The following SLC9A7 variants were observed in gnomAD, a reference collection of about 807,000 sequenced individuals.
The protein encoded by SLC9A7 is solute carrier family 9 member A7.
In SLC9A7, 19 loss-of-function variants were observed where a neutral mutation model predicts 52.6. That is an observed-to-expected ratio of 0.36 (90% CI 0.25 to 0.53). SLC9A7 has a LOEUF of 0.53. Among genes scored for constraint, SLC9A7 ranks in the 20% least tolerant of loss-of-function variants. SLC9A7 has a pLI of 0.91. For missense variants in SLC9A7, 455 were observed against 597.9 expected (o/e 0.76, Z 2.49); for synonymous variants, 226 against 252.1 (o/e 0.90, Z 0.98).
intron 1 of SLC9A7, among the ~76,000 whole-genome samples, chrX:46,737,947 A>G (rs1208936978): frequency 9.2e-6 from 1 of 108,733 alleles, no homozygotes; most frequent in East Asian, 2.9e-4. Flanking sequence ...GGATCACTTG[A>G]GCCCAGGAGG....
At chrX:46,697,039 T>C (rs2146905645) in intron 1 of SLC9A7, among the ~76,000 whole-genome samples, 2 of 111,742 alleles carry the variant, frequency 1.8e-5, no homozygotes, top group East Asian at 5.6e-4. Context: ...TCCTAACTGG[T>C]CGTGTCGATG....
At position 46,620,452 on chromosome X, in the gene SLC9A7, C is replaced by CA. The variant is rs199549828; in HGVS notation, c.1823+524dup. On this transcript the variant is annotated intron_variant, in intron 15 of 16. Transcript: ENST00000616978. ...AAAACAAACAAACAAACAAAACAAACAAAAAAAACCATGAGGGTTTAACAT... is the reference window on the plus strand; with the variant it reads ...AAAACAAACAAACAAACAAAACAAACAAAAAAAAACCATGAGGGTTTAACAT... 7.7e-4 allele frequency among the ~76,000 whole-genome samples: 85 copies of CA among 110,237 alleles called. 1 individual carries two copies. The highest frequency in any genetic ancestry group is 2.5e-3 in the African/African-American group (77 of 30,322).
chrX:46,658,432 G>C (rs1210124939), intron 7 of SLC9A7, among the ~76,000 whole-genome samples: 3 of 109,697 alleles, frequency 2.7e-5, no homozygotes, highest in Non-Finnish European at 5.7e-5. Context: ...ATGAATCCAG[G>C]AGCTAGTTTT....
rs144447001 is a variant in SLC9A7 at position 46,670,139 on chromosome X, A to C, written c.681-420T>G. Among the ~76,000 whole-genome samples, 11 of 112,150 alleles carry C rather than the reference A, an allele frequency of 9.8e-5. No homozygotes were observed. The East Asian group carries it at 3.1e-3, about 31-fold the overall frequency. On this transcript the variant is annotated intron_variant, in intron 4 of 16. Transcript: ENST00000616978. ...CATTTAAAGTCAGAGAAATCAGTAGACTGGATGCAACTAGAGAGAAAAAAA... is the reference window on the plus strand; with the variant it reads ...CATTTAAAGTCAGAGAAATCAGTAGCCTGGATGCAACTAGAGAGAAAAAAA...
intron 16 of SLC9A7, among the ~76,000 whole-genome samples, chrX:46,608,882 G>A (rs1602126292): frequency 2.7e-5 from 3 of 110,973 alleles, no homozygotes; most frequent in Non-Finnish European, 3.8e-5. Context: ...CTGACCTCAG[G>A]TGATCCTCCC....
At chrX:46,639,502 C>T (rs989657086) in intron 12 of SLC9A7, among the ~76,000 whole-genome samples, 4 of 109,486 alleles carry the variant, frequency 3.7e-5, no homozygotes, top group African/African-American at 1.3e-4. Flanking sequence ...AGGCTGGTCT[C>T]GAACTCCTGA....
At chrX:46,708,317 C>T (rs1008508181) in intron 1 of SLC9A7, among the ~76,000 whole-genome samples, 2 of 110,816 alleles carry the variant, frequency 1.8e-5, no homozygotes, top group Non-Finnish European at 3.8e-5. Flanking sequence ...CACCTGAGGT[C>T]GGGAGTTGGA....
Position 46,606,797 on chromosome X carries a change from A to T in SLC9A7, c.*155T>A. The T allele has an allele frequency of 9.0e-7, 1 of 1,112,628 alleles. No individual in the cohort carries two copies. The allele number at this position is 1,112,628 out of a possible 1,213,427, so 91.7% of individuals were successfully genotyped here. ...CTTTTGCCTCACCATCTGCATTGTG[A>T]GTTAAATTTTAAGTGTTACAATAGC... On this transcript the variant is annotated 3_prime_UTR_variant, in exon 17 of 17. Transcript: ENST00000616978.
At chrX:46,733,875 T>C (rs1945081647) in intron 1 of SLC9A7, among the ~76,000 whole-genome samples, 2 of 111,348 alleles carry the variant, frequency 1.8e-5, no homozygotes, top group South Asian at 7.4e-4. Flanking sequence ...ATAGCAAAAT[T>C]GCAGATATAA....
chrX:46,759,042 C>T lies in SLC9A7; in HGVS notation c.-13G>A. The T allele has an allele frequency of 1.1e-6, 1 of 916,803 alleles. No homozygotes were observed. The highest frequency in any genetic ancestry group is 4.8e-5 in the East Asian group (1 of 20,973). The allele number at this position is 916,803 out of a possible 1,213,427, so 75.6% of individuals were successfully genotyped here. A position where few individuals can be genotyped will look rare whatever the true frequency, so the allele number is the denominator to read the frequency against. On this transcript the variant is annotated 5_prime_UTR_variant, in exon 1 of 17. Coordinates refer to ENST00000616978, the MANE Select transcript of SLC9A7 (RefSeq NM_001257291.2). ...CACCAGGCTCCATGGTCCCGGGGCC[C>T]CCCGCGCCTCCTCCGAGCGGGGACC...
At chrX:46,747,054 A>T (rs1296815655) in intron 1 of SLC9A7, among the ~76,000 whole-genome samples, 1 of 112,387 alleles carries the variant, frequency 8.9e-6, no homozygotes, top group Non-Finnish European at 1.9e-5. Flanking sequence ...AAAGATAAAT[A>T]TCACATGCTC....
intron 1 of SLC9A7, among the ~76,000 whole-genome samples, chrX:46,691,458 T>C (rs1006671827): frequency 9.8e-5 from 11 of 112,054 alleles, no homozygotes; most frequent in African/African-American, 3.6e-4. Context: ...ACAGAAGACC[T>C]GGGTAGGTAA....
At chrX:46,726,545 C>T (rs1404111300) in intron 1 of SLC9A7, among the ~76,000 whole-genome samples, 2 of 110,800 alleles carry the variant, frequency 1.8e-5, no homozygotes, top group Non-Finnish European at 3.8e-5. Flanking sequence ...CATTCAGATC[C>T]CCTGCATCCC....
chrX:46,724,910 C>G (rs774542024), intron 1 of SLC9A7, among the ~76,000 whole-genome samples: 4 of 111,061 alleles, frequency 3.6e-5, no homozygotes, highest in African/African-American at 1.3e-4. Flanking sequence ...GTCATACAAG[C>G]CAAAGATACC....
chrX:46,657,968 G>A (rs1943734055), intron 7 of SLC9A7, among the ~76,000 whole-genome samples: 1 of 109,970 alleles, frequency 9.1e-6, no homozygotes, highest in African/African-American at 3.3e-5. Context: ...CCACATACTT[G>A]GAAGTAAAGC....
chrX:46,694,103 CCTGGGTG>C (rs1944416616), intron 1 of SLC9A7, among the ~76,000 whole-genome samples: 1 of 109,942 alleles, frequency 9.1e-6, no homozygotes, highest in African/African-American at 3.3e-5. Flanking sequence ...ATGCTCACTA[CCTGGGTG>C]CAATATACTC....
At chrX:46,642,878 G>A (rs967761340) in intron 12 of SLC9A7, among the ~76,000 whole-genome samples, 2 of 111,690 alleles carry the variant, frequency 1.8e-5, no homozygotes. Flanking sequence ...TCATTTCAAA[G>A]GAACATGAAA....
chrX:46,651,450 C>T (rs1200416069), intron 8 of SLC9A7, 46 bp from the exon 9 acceptor site: 16 of 1,028,523 alleles, frequency 1.6e-5, no homozygotes, highest in Non-Finnish European at 2.0e-5. Context: ...AAAAAAGAGG[C>T]AGGGGAAAAA....
intron 14 of SLC9A7, among the ~76,000 whole-genome samples, chrX:46,629,137 G>C (rs1943182688): frequency 8.9e-6 from 1 of 112,054 alleles, no homozygotes; most frequent in African/African-American, 3.2e-5. Flanking sequence ...GAGGTCAGGG[G>C]GAAGCTGTGA....
Sources: gnomAD v4.1 joint callset for allele counts (sites outside exome capture counted in the v4.1 genomes callset) on GRCh38, gnomAD v4.1.1 for gene constraint, MANE v1.5 for transcripts, NCBI Gene and HGNC (gene_info 2026-07-23, HGNC 2026-07-21) for gene names.